The following ZFR variants were observed in gnomAD, a reference collection of about 807,000 sequenced individuals.
ZFR encodes the protein zinc finger RNA-binding protein.
A neutral mutation model predicts 130.7 loss-of-function variants in ZFR; 19 were observed. The observed-to-expected ratio is 0.15, with a 90% CI of 0.10 to 0.21. The LOEUF is 0.21. Ranked by LOEUF, ZFR falls within the 10% of genes least tolerant of loss-of-function variation. The probability of loss-of-function intolerance (pLI) is 1.00; values close to 1 mark genes in which losing one functional copy is unlikely to be tolerated. For synonymous variants in ZFR, 466 were observed against 456.9 expected (o/e 1.02, Z -0.25); for missense variants, 872 against 1,321.5 (o/e 0.66, Z 5.27).
At chr5:32,403,524 T>TTGTATATGTG in intron 7 of ZFR, 127 bp from the exon 8 acceptor site, 1 of 1,170,568 alleles carries the variant, frequency 8.5e-7, no homozygotes, top group Non-Finnish European at 1.2e-6. Context: ...CTATATGTTT[T>TTGTATATGTG]TGTATATACA....
At chr5:32,384,789 T>C (rs1399715353) in intron 15 of ZFR, among the ~76,000 whole-genome samples, 4 of 152,192 alleles carry the variant, frequency 2.6e-5, no homozygotes, top group African/African-American at 4.8e-5. Flanking sequence ...TAAAGCAACA[T>C]TGCTGGCACC....
chr5:32,369,616 G>GGCAA (rs1339860653), intron 17 of ZFR, among the ~76,000 whole-genome samples: 4 of 152,006 alleles, frequency 2.6e-5, no homozygotes, highest in Admixed American at 6.6e-5. Context: ...GACCAGGCTG[G>GGCAA]GCAAGATAGT....
At chr5:32,404,138 T>C in intron 6 of ZFR, 41 bp from the exon 7 acceptor site, 3 of 1,509,844 alleles carry the variant, frequency 2.0e-6, no homozygotes, top group Non-Finnish European at 2.7e-6. Flanking sequence ...TCACTAATTT[T>C]CTTTACACAT....
intron 5 of ZFR, among the ~76,000 whole-genome samples, chr5:32,413,708 T>G (rs1171818889): frequency 2.0e-5 from 3 of 152,212 alleles, no homozygotes; most frequent in Non-Finnish European, 2.9e-5. Context: ...TTCATTGTAA[T>G]ATAATCCTAG....
chr5:32,436,191 C>T (rs2111865980), intron 2 of ZFR, among the ~76,000 whole-genome samples: 1 of 146,120 alleles, frequency 6.8e-6, no homozygotes, highest in East Asian at 2.0e-4. Context: ...CTCTGTCGCC[C>T]AGGCTGGAGT....
chr5:32,414,799 A>G (rs1367017637), intron 5 of ZFR, among the ~76,000 whole-genome samples, 170 bp downstream of exon 5: 1 of 152,172 alleles, frequency 6.6e-6, no homozygotes, highest in Non-Finnish European at 1.5e-5. Context: ...CACGCCCCCA[A>G]AAAAGCATAC....
At chr5:32,401,653 A>G (rs898702736) in intron 8 of ZFR, among the ~76,000 whole-genome samples, 4 of 152,218 alleles carry the variant, frequency 2.6e-5, no homozygotes, top group Non-Finnish European at 5.9e-5. Flanking sequence ...GATGGGCCTT[A>G]TATGACAAAT....
At chr5:32,393,480 A>ATT (rs2111745224) in intron 11 of ZFR, among the ~76,000 whole-genome samples, 2 of 152,220 alleles carry the variant, frequency 1.3e-5, no homozygotes, top group East Asian at 3.9e-4. Context: ...AGTAGCCGGA[A>ATT]TTACAGGCAT....
intron 3 of ZFR, among the ~76,000 whole-genome samples, chr5:32,419,545 A>G (rs1382069290): frequency 6.6e-6 from 1 of 152,062 alleles, no homozygotes; most frequent in South Asian, 2.1e-4. Flanking sequence ...GCCATGTTGG[A>G]CACGCTGGTC....
chr5:32,428,208 G>A (rs1754119936), intron 2 of ZFR, among the ~76,000 whole-genome samples: 1 of 152,206 alleles, frequency 6.6e-6, no homozygotes, highest in African/African-American at 2.4e-5. Context: ...GAAGTCAGGA[G>A]TTCGAGACCA....
At chr5:32,419,549 G>T (rs1753906993) in intron 3 of ZFR, among the ~76,000 whole-genome samples, 2 of 152,122 alleles carry the variant, frequency 1.3e-5, no homozygotes, top group African/African-American at 4.8e-5. Flanking sequence ...TGTTGGACAC[G>T]CTGGTCTTGA....
intron 17 of ZFR, among the ~76,000 whole-genome samples, chr5:32,372,486 T>C (rs772943450): frequency 2.1e-4 from 32 of 152,144 alleles, no homozygotes; most frequent in Admixed American, 2.0e-4. Flanking sequence ...CTTCCATCTC[T>C]GCCACCAGAG....
chr5:32,416,248 C>T (rs993428470), intron 4 of ZFR, among the ~76,000 whole-genome samples: 4 of 152,228 alleles, frequency 2.6e-5, no homozygotes, highest in African/African-American at 9.6e-5. Flanking sequence ...TAATTTAGCA[C>T]TCAAGCACAA....
chr5:32,426,377 C>T (rs1201917316), intron 2 of ZFR, among the ~76,000 whole-genome samples: 1 of 151,464 alleles, frequency 6.6e-6, no homozygotes, highest in Non-Finnish European at 1.5e-5. Flanking sequence ...AGTCAACATC[C>T]TTTTATGATT....
At chr5:32,436,140 C>CTTTTTTTTTTTTTTTT (rs370998112) in intron 2 of ZFR, among the ~76,000 whole-genome samples, 1 of 91,796 alleles carries the variant, frequency 1.1e-5, no homozygotes. Context: ...CAGTTGTATT[C>CTTTTTTTTTTTTTTTT]TTTTTTTTTT....
intron 17 of ZFR, among the ~76,000 whole-genome samples, chr5:32,369,485 TAAAACAAAAC>T (rs70961625): frequency 0.014 from 2,171 of 150,822 alleles, 45 homozygotes; most frequent in African/African-American, 0.047. Context: ...TATCATTCTT[TAAAACAAAAC>T]AAAACAAAAC....
In ZFR at chr5:32,411,381, A is replaced by G. The variant is rs538618223; in HGVS notation, c.784+3588T>C. On this transcript the variant is annotated intron_variant, in intron 5 of 19. Coordinates refer to ENST00000265069, the MANE Select transcript of ZFR (RefSeq NM_016107.5). ...CATCGGTTCAGCAACCATGGATTCA[A>G]TCAACCATGAACTGAAAATATTCGG... Among the ~76,000 whole-genome samples the G allele has an allele frequency of 1.2e-4, 19 of 152,290 alleles. 1 individual carries two copies. The highest frequency in any genetic ancestry group is 4.6e-4 in the African/African-American group (19 of 41,540).
At chr5:32,436,737 G>A (rs1271569911) in intron 2 of ZFR, among the ~76,000 whole-genome samples, 2 of 152,120 alleles carry the variant, frequency 1.3e-5, no homozygotes, top group Non-Finnish European at 2.9e-5. Flanking sequence ...GCCTACCAAA[G>A]TGCTAGGGTT....
At position 32,410,935 on chromosome 5, in the gene ZFR, G is replaced by A. The variant is rs145217920; in HGVS notation, c.785-3914C>T. ...GTTCCAGAACTAGAAATTTATCCTA[G>A]GGAAACAAGTGGGCAAATGTACAAA... is the stretch of plus-strand genomic sequence containing the variant. On this transcript the variant is annotated intron_variant, in intron 5 of 19. Transcript: ENST00000265069. Among the ~76,000 whole-genome samples, 19 of 152,290 alleles carry A rather than the reference G, an allele frequency of 1.2e-4. No individual in the cohort carries two copies. The East Asian group carries it at 3.7e-3, about 29-fold the overall frequency.
Sources: allele counts gnomAD v4.1 joint callset (sites outside exome capture counted in the v4.1 genomes callset), GRCh38; gene constraint gnomAD v4.1.1; transcripts MANE v1.5; gene names NCBI Gene and HGNC (gene_info 2026-07-23, HGNC 2026-07-21).